The following DSCAM variants were observed in gnomAD, a reference collection of about 807,000 sequenced individuals.
DSCAM encodes cell adhesion molecule DSCAM.
In DSCAM, 47 loss-of-function variants were observed where a neutral mutation model predicts 217.7. The ratio of observed to expected loss-of-function variants is 0.22; its 90% CI spans 0.17 to 0.28. The LOEUF is 0.28. DSCAM is among the 10% of genes least tolerant of loss of function. The probability of loss-of-function intolerance (pLI) is 1.00; values close to 1 mark genes in which losing one functional copy is unlikely to be tolerated. For synonymous variants in DSCAM, 1,056 were observed against 1,015.3 expected, an observed-to-expected ratio of 1.04 and a Z score of -0.76; for missense variants, 2,080 against 2,618.3, an observed-to-expected ratio of 0.79 and a Z score of 4.49.
At position 40,654,726 on chromosome 21, in the gene DSCAM, T is replaced by G. The variant is rs1232426423; in HGVS notation, c.508+38084A>C. ...TTCCTCACATCTCATCATGCTGAACTTGACTCTCCTGACTCTGACTTTCAC... is the reference window on the plus strand; with the variant it reads ...TTCCTCACATCTCATCATGCTGAACGTGACTCTCCTGACTCTGACTTTCAC... On this transcript the variant is annotated intron_variant, in intron 3 of 32. Coordinates refer to ENST00000400454, the MANE Select transcript of DSCAM (RefSeq NM_001389.5). Among the ~76,000 whole-genome samples, 3 of 152,206 alleles carry G rather than the reference T, an allele frequency of 2.0e-5. No homozygotes were observed. In the East Asian group the frequency reaches 5.8e-4, roughly 29 times the overall value.
chr21:40,235,294 A>G lies in DSCAM; in HGVS notation c.2356+40803T>C, dbSNP rs564939532. 7.2e-5 allele frequency among the ~76,000 whole-genome samples: 11 copies of G among 152,328 alleles called. No individual in the cohort carries two copies. The South Asian group carries it at 2.3e-3, about 32-fold the overall frequency. On this transcript the variant is annotated intron_variant, in intron 11 of 32. Coordinates refer to ENST00000400454, the MANE Select transcript of DSCAM (RefSeq NM_001389.5). ...GTTAACCGTATGGTCCAGAGTAACC[A>G]TCTGTACTAGCCTCTACAAGAAACA... is the stretch of plus-strand genomic sequence containing the variant.
At chr21:40,661,204 T>TA (rs1223069098) in intron 3 of DSCAM, among the ~76,000 whole-genome samples, 1 of 152,208 alleles carries the variant, frequency 6.6e-6, no homozygotes, top group Non-Finnish European at 1.5e-5. Flanking sequence ...TACACTGTGT[T>TA]AGTTTCTATG....
chr21:40,643,932 G>A (rs1050664165), intron 3 of DSCAM, among the ~76,000 whole-genome samples: 7 of 152,140 alleles, frequency 4.6e-5, no homozygotes, highest in African/African-American at 9.7e-5. Flanking sequence ...ATTTTGTTAC[G>A]GCAGCCTGAA....
chr21:40,707,928 C>T (rs564185977), intron 2 of DSCAM, among the ~76,000 whole-genome samples: 1 of 152,286 alleles, frequency 6.6e-6, no homozygotes, highest in Admixed American at 6.5e-5. Flanking sequence ...GTACTGACAA[C>T]ATTTCAGCAA....
At chr21:40,350,559 T>C (rs2074618306) in intron 5 of DSCAM, among the ~76,000 whole-genome samples, 1 of 152,142 alleles carries the variant, frequency 6.6e-6, no homozygotes, top group African/African-American at 2.4e-5. Context: ...GTCTTCTAGG[T>C]TGATAAGACA....
chr21:40,120,285 A>G (rs936037865), intron 20 of DSCAM, among the ~76,000 whole-genome samples: 4 of 152,154 alleles, frequency 2.6e-5, no homozygotes, highest in African/African-American at 9.7e-5. Context: ...ATGCCTTCTG[A>G]TTTTTAGTTT....
intron 3 of DSCAM, among the ~76,000 whole-genome samples, chr21:40,425,119 C>G (rs2075459705): frequency 6.6e-6 from 1 of 152,126 alleles, no homozygotes; most frequent in Admixed American, 6.6e-5. Context: ...ATTATCACAA[C>G]AGAAGTTTAA....
At chr21:40,334,588 C>T (rs995557985) in intron 8 of DSCAM, among the ~76,000 whole-genome samples, 2 of 152,140 alleles carry the variant, frequency 1.3e-5, no homozygotes, top group African/African-American at 2.4e-5. Context: ...ATTCTACTTG[C>T]CCCCTTTCCC....
intron 16 of DSCAM, among the ~76,000 whole-genome samples, chr21:40,160,143 AGAG>A (rs201844636): frequency 0.015 from 2,274 of 152,270 alleles, 19 homozygotes; most frequent in Non-Finnish European, 0.022. Context: ...AGGTGAGGAG[AGAG>A]GAGAATTCAT....
At chr21:40,545,077 C>G (rs1393223054) in intron 3 of DSCAM, among the ~76,000 whole-genome samples, 2 of 152,060 alleles carry the variant, frequency 1.3e-5, no homozygotes, top group Admixed American at 1.3e-4. Flanking sequence ...ATGAAGCCCT[C>G]AAGAATGAGA....
At chr21:40,722,337 G>A (rs2090910549) in intron 1 of DSCAM, among the ~76,000 whole-genome samples, 1 of 151,988 alleles carries the variant, frequency 6.6e-6, no homozygotes, top group Admixed American at 6.5e-5. Flanking sequence ...TGCATTGTGT[G>A]GTTTGTAACA....
At chr21:40,038,104 T>C (rs2088663600) in intron 32 of DSCAM, among the ~76,000 whole-genome samples, 1 of 151,838 alleles carries the variant, frequency 6.6e-6, no homozygotes, top group Non-Finnish European at 1.5e-5. Context: ...GACATAAGCA[T>C]GGGTAAGGAC....
intron 4 of DSCAM, among the ~76,000 whole-genome samples, chr21:40,363,700 T>G (rs555375577): frequency 2.8e-4 from 43 of 152,154 alleles, no homozygotes; most frequent in East Asian, 7.7e-4. Flanking sequence ...AAACTAAAGA[T>G]CTTCTGCACA....
At position 40,013,313 on chromosome 21, in the gene DSCAM, C is replaced by T. The variant is rs765614344; in HGVS notation, c.5760G>A (p.Arg1920=). The T allele has an allele frequency of 1.2e-6, 2 of 1,610,746 alleles. No homozygotes were observed. Among genetic ancestry groups the T allele is most frequent in the African/African-American group, 2.7e-5 (2 of 74,818 alleles). The part of the protein sequence containing the change: ...LLNRGGPGTS[R]DLSLGQACLE... ...AGCATGCTTGTCCTAAGCTCAGGTC[C>T]CTGCTGGTGCCTGGACCACCTCGGT... The change falls in exon 33 of 33, where the codon AGG becomes AGA. Residue 1920 remains arginine, a synonymous_variant. Transcript: ENST00000400454.
intron 3 of DSCAM, among the ~76,000 whole-genome samples, chr21:40,436,217 G>C (rs986593304): frequency 2.0e-5 from 3 of 152,186 alleles, no homozygotes; most frequent in African/African-American, 7.2e-5. Context: ...TTAAATTAAA[G>C]TGTCTCTGTA....
chr21:40,735,693 A>T (rs576034999), intron 1 of DSCAM, among the ~76,000 whole-genome samples: 8 of 152,340 alleles, frequency 5.3e-5, no homozygotes, highest in African/African-American at 1.4e-4. Context: ...TAATGTATGA[A>T]AGATCACAAA....
At chr21:40,471,219 T>C (rs1474850215) in intron 3 of DSCAM, among the ~76,000 whole-genome samples, 7 of 152,186 alleles carry the variant, frequency 4.6e-5, no homozygotes, top group Admixed American at 4.6e-4. Flanking sequence ...TTCTGACCAA[T>C]CCTGCAGAAA....
intron 32 of DSCAM, among the ~76,000 whole-genome samples, chr21:40,035,403 CAA>C (rs1336541100): frequency 8.7e-6 from 1 of 114,904 alleles, no homozygotes; most frequent in Non-Finnish European, 1.8e-5. Flanking sequence ...CAACAAAGAT[CAA>C]AAGAGACAAA....
rs370634406 is a variant in DSCAM, at chr21:40,312,765, T to G, written c.1784-406A>C. On this transcript the variant is annotated intron_variant, in intron 8 of 32. Coordinates refer to ENST00000400454, the MANE Select transcript of DSCAM (RefSeq NM_001389.5). The stretch of plus-strand genomic sequence containing the variant: ...GACACTACAATTACTGTTCCCCTTC[T>G]AATTGTTTCCTGCCTTGTAAATAGG... 4.2e-4 allele frequency among the ~76,000 whole-genome samples: 64 copies of G among 152,310 alleles called. No individual in the cohort carries two copies. The South Asian group carries it at 0.011, about 25-fold the overall frequency.
Sources: gnomAD v4.1 joint callset for allele counts (sites outside exome capture counted in the v4.1 genomes callset) on GRCh38, gnomAD v4.1.1 for gene constraint, MANE v1.5 for transcripts, NCBI Gene and HGNC (gene_info 2026-07-23, HGNC 2026-07-21) for gene names.